IL15RA: variants seen among roughly 807,000 people sequenced by gnomAD.
IL15RA encodes interleukin-15 receptor subunit alpha.
A neutral mutation model predicts 24.2 loss-of-function variants in IL15RA; 26 were observed. The ratio of observed to expected loss-of-function variants is 1.07; its 90% CI spans 0.79 to 1.49. IL15RA has a LOEUF of 1.49. Among genes scored for constraint, IL15RA ranks in the 40% most tolerant of loss-of-function variants. The pLI is 0.00. For missense variants in IL15RA, 354 were observed against 356.4 expected (o/e 0.99, Z 0.05); for synonymous variants, 166 against 157.6 (o/e 1.05, Z -0.40).
At position 5,965,321 on chromosome 10, in the gene IL15RA, T is replaced by G. The variant is rs561558786; in HGVS notation, c.283+824A>C. Among the ~76,000 whole-genome samples, 1 of 152,328 alleles carries G rather than the reference T, an allele frequency of 6.6e-6. No homozygotes were observed. The highest frequency in any genetic ancestry group is 1.9e-4 in the East Asian group (1 of 5,186). ...AAGGGCAGCCCTGCTCCAGGGCCTGTGCCCATCCCCGGGGCTGGGTACTGA... is the reference window on the plus strand; with the variant it reads ...AAGGGCAGCCCTGCTCCAGGGCCTGGGCCCATCCCCGGGGCTGGGTACTGA... On this transcript the variant is annotated intron_variant, in intron 2 of 6. Coordinates refer to ENST00000379977, the MANE Select transcript of IL15RA (RefSeq NM_002189.4). This position sits in a 1 kb window ranked among gnomAD's most constrained non-coding sequence, Gnocchi z 5.8.
At chr10:5,956,320 C>T (rs373735220) in intron 6 of IL15RA, 59 bp downstream of exon 6, 32 of 1,394,152 alleles carry the variant, frequency 2.3e-5, no homozygotes, top group East Asian at 2.1e-4. Flanking sequence ...CGGCCAGGTG[C>T]AGCTCTTTTC....
Position 5,964,762 on chromosome 10 carries a change from G to A in IL15RA, c.284-921C>T, listed in dbSNP as rs564192670. The stretch of plus-strand genomic sequence containing the variant: ...AGTGAGAAAGCCCTCATTTTACCTC[G>A]GGCAGACAGGTTCCAGGGAGTCCCA... On this transcript the variant is annotated intron_variant, in intron 2 of 6. Transcript: ENST00000379977. This position sits in a 1 kb window ranked among gnomAD's most constrained non-coding sequence, Gnocchi z 5.6. Among the ~76,000 whole-genome samples, 4 of 152,284 alleles carry A rather than the reference G, an allele frequency of 2.6e-5. No homozygotes were observed. Among genetic ancestry groups the A allele is most frequent in the Admixed American group, 1.3e-4 (2 of 15,298 alleles).
rs760702646 is a variant in IL15RA, at chr10:5,953,333, C to T, written c.693-127G>A. 2.3e-4 allele frequency: 169 copies of T among 745,038 alleles called. No homozygotes were observed. Among genetic ancestry groups the T allele is most frequent in the Non-Finnish European group, 3.8e-4 (157 of 408,608 alleles). 46.2% of individuals were successfully genotyped at this position (745,038 alleles called of 1,614,324 possible). A position where few individuals can be genotyped will look rare whatever the true frequency, so the allele number is the denominator to read the frequency against. ...GCAGGAGCAGACAGAGGCCCTGCCA[C>T]GGGAGTCAGACAGAGAGCACTTAGT... On this transcript the variant is annotated intron_variant, in intron 6 of 6. Coordinates refer to ENST00000379977, the MANE Select transcript of IL15RA (RefSeq NM_002189.4). This position sits in a 1 kb window ranked among gnomAD's most constrained non-coding sequence, Gnocchi z 5.3.
At chr10:5,949,410 A>G (rs1833717133), downstream of IL15RA, 1 of 469,646 alleles carries the variant, frequency 2.1e-6, no homozygotes, top group South Asian at 1.6e-5. The surrounding 1 kb of genome is among the most constrained non-coding windows in gnomAD (Gnocchi z 4.4). Flanking sequence ...AAATATGCAC[A>G]CATTGAGTTC....
At chr10:5,976,581 A>T (rs796300239) in intron 1 of IL15RA, among the ~76,000 whole-genome samples, 39 of 152,274 alleles carry the variant, frequency 2.6e-4, no homozygotes, top group African/African-American at 9.1e-4. Flanking sequence ...GACTATAAAA[A>T]GATAAAGAAG....
rs767922959 is a variant in IL15RA, at chr10:5,959,818, G to T, written c.584-32C>A. ...AAAAGAGAGGACAGCATCACGGCTC[G>T]AGTCCTAGAGGTCCTAGTTCCTCAT... On this transcript the variant is annotated intron_variant, in intron 4 of 6. Coordinates refer to ENST00000379977, the MANE Select transcript of IL15RA (RefSeq NM_002189.4). This position sits in a 1 kb window ranked among gnomAD's most constrained non-coding sequence, Gnocchi z 4.1. 18 of 1,610,860 alleles carry T rather than the reference G, an allele frequency of 1.1e-5. No homozygotes were observed. Among genetic ancestry groups the T allele is most frequent in the African/African-American group, 2.7e-5 (2 of 74,864 alleles).
rs548193007 is a variant in IL15RA at position 5,960,808 on chromosome 10, A to G, written c.383-241T>C. Among the ~76,000 whole-genome samples the G allele has an allele frequency of 5.0e-4, 76 of 152,324 alleles. No individual in the cohort carries two copies. The highest frequency in any genetic ancestry group is 1.8e-3 in the African/African-American group (73 of 41,582). Reference sequence around the variant, plus strand: ...CGTATAAAGAAAAGATCAGCCAGACACAGTGGGTCATGCCTATAATCCCAA... The same window carrying G: ...CGTATAAAGAAAAGATCAGCCAGACGCAGTGGGTCATGCCTATAATCCCAA... On this transcript the variant is annotated intron_variant, in intron 3 of 6. Coordinates refer to ENST00000379977, the MANE Select transcript of IL15RA (RefSeq NM_002189.4). This position sits in a 1 kb window ranked among gnomAD's most constrained non-coding sequence, Gnocchi z 5.1.
Position 5,960,421 on chromosome 10 carries a change from G to A in IL15RA, c.529C>T (p.Gln177Ter). The A allele has an allele frequency of 6.2e-7, 1 of 1,614,150 alleles. No individual in the cohort carries two copies. Among genetic ancestry groups the A allele is most frequent in the Non-Finnish European group, 8.5e-7 (1 of 1,179,996 alleles). ...SHESSHGTPS[Q>*]TTAKNWELTA... Reference sequence around the variant, plus strand: ...AGTTCCCAGTTCTTGGCTGTTGTCTGAGAGGGGGTGCCGTGGGAGGACTCA... The same window carrying A: ...AGTTCCCAGTTCTTGGCTGTTGTCTAAGAGGGGGTGCCGTGGGAGGACTCA... Residue 177 changes from glutamine (Q) to a stop codon, truncating the protein, a stop_gained, in exon 4 of 7, where the codon CAG becomes TAG. Coordinates refer to ENST00000379977, the MANE Select transcript of IL15RA (RefSeq NM_002189.4). LOFTEE classifies it high-confidence loss of function. The surrounding 1 kb of genome is among the most constrained non-coding windows in gnomAD (Gnocchi z 5.1).
chr10:5,963,677 T>G lies in IL15RA; in HGVS notation c.382+66A>C. 2 of 978,400 alleles carry G rather than the reference T, an allele frequency of 2.0e-6. No individual in the cohort carries two copies. Among genetic ancestry groups the G allele is most frequent in the Non-Finnish European group, 2.9e-6 (2 of 682,224 alleles). The allele number at this position is 978,400 out of a possible 1,614,324, so 60.6% of individuals were successfully genotyped here. A position where few individuals can be genotyped will look rare whatever the true frequency, so the allele number is the denominator to read the frequency against. On this transcript the variant is annotated intron_variant, in intron 3 of 6. Coordinates refer to ENST00000379977, the MANE Select transcript of IL15RA (RefSeq NM_002189.4). This position sits in a 1 kb window ranked among gnomAD's most constrained non-coding sequence, Gnocchi z 5.3. ...CACAGAGGTCCGTGAGTCTGCAGGATTGGTGAGCGGGCCTCTGGGTGTTGG... is the reference window on the plus strand; with the variant it reads ...CACAGAGGTCCGTGAGTCTGCAGGAGTGGTGAGCGGGCCTCTGGGTGTTGG...
At chr10:5,976,561 A>G (rs1438638027) in intron 1 of IL15RA, among the ~76,000 whole-genome samples, 2 of 152,148 alleles carry the variant, frequency 1.3e-5, no homozygotes, top group Non-Finnish European at 2.9e-5. Context: ...AGACCCTCCA[A>G]GAGCTCCCTG....
chr10:5,953,246 G>C lies in IL15RA; in HGVS notation c.693-40C>G, dbSNP rs201748265. 5 of 1,470,102 alleles carry C rather than the reference G, an allele frequency of 3.4e-6. No individual in the cohort carries two copies. The highest frequency in any genetic ancestry group is 1.4e-5 in the African/African-American group (1 of 72,312). The allele number at this position is 1,470,102 out of a possible 1,614,324, so 91.1% of individuals were successfully genotyped here. ...GTTCATAGGTTTTGAAAAGAGGAGGGGGTTGCCCTCAAATCAACAGACGCT... is the reference window on the plus strand; with the variant it reads ...GTTCATAGGTTTTGAAAAGAGGAGGCGGTTGCCCTCAAATCAACAGACGCT... On this transcript the variant is annotated intron_variant, in intron 6 of 6. Transcript: ENST00000379977. The surrounding 1 kb of genome is among the most constrained non-coding windows in gnomAD (Gnocchi z 5.3).
intron 6 of IL15RA, among the ~76,000 whole-genome samples, chr10:5,956,037 C>T (rs990427305): frequency 1.3e-5 from 2 of 151,954 alleles, no homozygotes; most frequent in African/African-American, 4.8e-5. Flanking sequence ...TTTTTTGAGA[C>T]AGAGTCTTGC....
chr10:5,966,146 A>G lies in IL15RA; in HGVS notation c.282T>C (p.Ile94=), dbSNP rs755799907. ...AHWTTPSLKC[I]RDPALVHQRP... ...GGTGGGGTGGCAAGGGCTACTCACT[A>G]ATGCATTTGAGACTGGGGGTTGTCC... is the stretch of plus-strand genomic sequence containing the variant. Residue 94 remains isoleucine, a splice_region_variant and synonymous_variant, in exon 2 of 7, where the codon ATT becomes ATC. Coordinates refer to ENST00000379977, the MANE Select transcript of IL15RA (RefSeq NM_002189.4). This position sits in a 1 kb window ranked among gnomAD's most constrained non-coding sequence, Gnocchi z 6.4. 1.2e-6 allele frequency: 2 copies of G among 1,602,108 alleles called. No individual in the cohort carries two copies. Among genetic ancestry groups the G allele is most frequent in the South Asian group, 2.2e-5 (2 of 90,858 alleles).
chr10:5,957,645 T>TGCA (rs1396453712), intron 5 of IL15RA, among the ~76,000 whole-genome samples: 1 of 145,850 alleles, frequency 6.9e-6, no homozygotes, highest in Non-Finnish European at 1.5e-5. Flanking sequence ...CAGGCTGGAG[T>TGCA]GCAGCGGCTC....
upstream of IL15RA, chr10:5,977,916 G>T (rs1476801269): frequency 7.1e-6 from 2 of 279,974 alleles, no homozygotes; most frequent in African/African-American, 4.4e-5. Context: ...CCTCTCTGCG[G>T]CTCGGATCCA....
intron 6 of IL15RA, among the ~76,000 whole-genome samples, chr10:5,954,772 G>C (rs899290024): frequency 1.3e-5 from 2 of 151,926 alleles, no homozygotes; most frequent in African/African-American, 2.4e-5. Context: ...CATTATAACT[G>C]GTTAAGAATA....
rs890272433 is a variant in IL15RA, at chr10:5,963,624, G to A, written c.382+119C>T. On this transcript the variant is annotated intron_variant, in intron 3 of 6. Coordinates refer to ENST00000379977, the MANE Select transcript of IL15RA (RefSeq NM_002189.4). This position sits in a 1 kb window ranked among gnomAD's most constrained non-coding sequence, Gnocchi z 5.3. ...ATTCTTGATTGAATAAGACGTTTGC[G>A]CTATTGCCTAAGTCTGCAGTGGCAC... The A allele has an allele frequency of 5.6e-6, 3 of 531,022 alleles. No individual in the cohort carries two copies. Among genetic ancestry groups the A allele is most frequent in the South Asian group, 3.5e-5 (1 of 28,450 alleles). 32.9% of individuals were successfully genotyped at this position (531,022 alleles called of 1,614,324 possible). A position where few individuals can be genotyped will look rare whatever the true frequency, so the allele number is the denominator to read the frequency against.
upstream of IL15RA, chr10:5,977,552 G>C: frequency 1.6e-6 from 2 of 1,275,998 alleles, no homozygotes; most frequent in Non-Finnish European, 2.0e-6. Flanking sequence ...AGGCCGGGGG[G>C]AGGTGGCGAG....
rs1331282213 is a variant in IL15RA at position 5,962,431 on chromosome 10, AAAATACAGAAATTAG to A, written c.382+1297_382+1311del. Among the ~76,000 whole-genome samples, 1 of 152,038 alleles carries A rather than the reference AAAATACAGAAATTAG, an allele frequency of 6.6e-6. No homozygotes were observed. The highest frequency in any genetic ancestry group is 1.5e-5 in the Non-Finnish European group (1 of 68,014). On this transcript the variant is annotated intron_variant, in intron 3 of 6. Coordinates refer to ENST00000379977, the MANE Select transcript of IL15RA (RefSeq NM_002189.4). The surrounding 1 kb of genome is among the most constrained non-coding windows in gnomAD (Gnocchi z 5.2). The stretch of plus-strand genomic sequence containing the variant: ...ACATGGTGAAACCCTGTCTCTACTA[AAAATACAGAAATTAG>A]CCAGGCGTGGTGGTGCACGCCTGTG...
Sources: allele counts gnomAD v4.1 joint callset (sites outside exome capture counted in the v4.1 genomes callset), GRCh38; gene constraint gnomAD v4.1.1; non-coding constraint Gnocchi (gnomAD v3.1); transcripts MANE v1.5; gene names NCBI Gene and HGNC (gene_info 2026-07-23, HGNC 2026-07-21).